The following RCC2 variants were observed in gnomAD, a reference collection of about 807,000 sequenced individuals.
RCC2 encodes protein RCC2.
A neutral mutation model predicts 64.1 loss-of-function variants in RCC2; 19 were observed. The ratio of observed to expected loss-of-function variants is 0.30; its 90% confidence interval spans 0.21 to 0.44. The LOEUF (loss-of-function observed/expected upper bound fraction) is 0.44. Among genes scored for constraint, RCC2 ranks in the 20% least tolerant of loss-of-function variants. RCC2 has a pLI of 1.00. For synonymous variants in RCC2, 325 were observed against 279.6 expected, an observed-to-expected ratio of 1.16 and a Z score of -1.62; for missense variants, 508 against 710.4, an observed-to-expected ratio of 0.72 and a Z score of 3.24.
intron 2 of RCC2, among the ~76,000 whole-genome samples, chr1:17,437,597 G>A (rs938299492): frequency 1.2e-4 from 1 of 8,574 alleles, no homozygotes; most frequent in Non-Finnish European, 2.7e-4. Flanking sequence ...CTGCAGCTTC[G>A]GACCACCGGC....
chr1:17,426,759 CTTTTTTTTTTTTTTTT>C (rs146347066), intron 3 of RCC2, among the ~76,000 whole-genome samples: 7 of 110,002 alleles, frequency 6.4e-5, no homozygotes, highest in Admixed American at 5.0e-4. Flanking sequence ...TCTTACTTTT[CTTTTTTTTTTTTTTTT>C]TTTTTTTTTG....
chr1:17,429,818 C>T (rs910258927), intron 2 of RCC2, among the ~76,000 whole-genome samples: 10 of 152,130 alleles, frequency 6.6e-5, no homozygotes, highest in Non-Finnish European at 1.3e-4. Flanking sequence ...TCCATGAGCC[C>T]GGGAGCCAAT....
chr1:17,425,749 TG>T, intron 3 of RCC2, 65 bp from the exon 4 acceptor site: 1 of 1,517,246 alleles, frequency 6.6e-7, no homozygotes, highest in Non-Finnish European at 9.0e-7. Context: ...AAAATGTCAC[TG>T]GCCACCAAGC....
intron 1 of RCC2, among the ~76,000 whole-genome samples, chr1:17,439,259 T>C (rs1169708062): frequency 4.7e-5 from 7 of 149,326 alleles, no homozygotes; most frequent in Admixed American, 1.3e-4. Context: ...GCCCGGCCGG[T>C]CTCCGATTCG....
intron 7 of RCC2, among the ~76,000 whole-genome samples, chr1:17,417,204 C>T (rs950599611): frequency 9.9e-5 from 15 of 152,196 alleles, no homozygotes; most frequent in Non-Finnish European, 1.9e-4. Context: ...TCCCACACTC[C>T]GAATGACCCA....
chr1:17,439,458 T>G (rs2075782759), intron 1 of RCC2, 87 bp downstream of exon 1: 1 of 149,450 alleles, frequency 6.7e-6, no homozygotes, highest in South Asian at 2.1e-4. Context: ...CCAGGTTTTT[T>G]TTTAACCTTT....
Position 17,425,679 on chromosome 1 carries a change from A to G in RCC2, c.385T>C (p.Tyr129His), listed in dbSNP as rs751141523. 3 of 1,609,712 alleles carry G rather than the reference A, an allele frequency of 1.9e-6. No individual in the cohort carries two copies. The highest frequency in any genetic ancestry group is 3.3e-5 in the Admixed American group (2 of 59,870). Residue 129 changes from tyrosine to histidine, a missense_variant, in exon 4 of 13, where the codon TAC becomes CAC. This residue lies in a region of RCC2 where 132 missense variants were observed against 207.3 expected (regional missense o/e 0.64). Coordinates refer to ENST00000375436, the MANE Select transcript of RCC2 (RefSeq NM_018715.4). ...CACAAATTCTGACCGAGATTGCGGT[A>G]AGCAGCTGCAGAGAGAATGAGAATG... Reference protein sequence around the residue: ...RKEVPKQQAAYRNLGQNLWGP... With the variant: ...RKEVPKQQAAHRNLGQNLWGP...
In RCC2 at chr1:17,413,590, C is replaced by T; in HGVS notation, c.1154G>A (p.Gly385Glu). Residue 385 changes from glycine (G) to glutamate (E), a missense_variant, in exon 9 of 13, where the codon GGG becomes GAG. Around this residue, in one of 4 missense-constraint regions of RCC2, gnomAD observed 179 missense variants for 322.0 expected, o/e 0.56. Transcript: ENST00000375436. Reference sequence around the variant, plus strand: ...GTAACCAGCATAGATCTGGGAAGCCCCACGCCCAGGGAAGTCAAACAGCTT... The same window carrying T: ...GTAACCAGCATAGATCTGGGAAGCCTCACGCCCAGGGAAGTCAAACAGCTT... ...LVKLFDFPGR[G>E]ASQIYAGYTC... is the part of the protein sequence containing the mutation. The T allele has an allele frequency of 6.2e-7, 1 of 1,614,040 alleles. No individual in the cohort carries two copies. Among genetic ancestry groups the T allele is most frequent in the Non-Finnish European group, 8.5e-7 (1 of 1,179,952 alleles).
At chr1:17,419,348 G>A (rs1264766324) in intron 7 of RCC2, among the ~76,000 whole-genome samples, 1 of 152,310 alleles carries the variant, frequency 6.6e-6, no homozygotes, top group East Asian at 1.9e-4. Context: ...GACAGAGGGA[G>A]ACTCCGTCTT....
In RCC2 at chr1:17,431,359, A is replaced by AATATAT. The variant is rs71014951; in HGVS notation, c.286-2166_286-2161dup. On this transcript the variant is annotated intron_variant, in intron 2 of 12. Coordinates refer to ENST00000375436, the MANE Select transcript of RCC2 (RefSeq NM_018715.4). ...AAAAAAAAAAAAAAAAAAAAAAAAA[A>AATATAT]ATATATATATATATATATATATGTG... is the stretch of plus-strand genomic sequence containing the variant. Among the ~76,000 whole-genome samples the AATATAT allele has an allele frequency of 2.7e-3, 120 of 44,904 alleles. 4 individuals are homozygous for AATATAT. The highest frequency in any genetic ancestry group is 5.8e-3 in the African/African-American group (55 of 9,420). 29.5% of individuals were successfully genotyped at this position (44,904 alleles called of 152,430 possible).
chr1:17,438,485 G>C lies in RCC2; in HGVS notation c.30C>G (p.Ala10=). ...CGTTGCCCGAGCTCGGCTCCTCCCA[G>C]GCCGCCGCCGCCGCCTTCTTCCTGG... is the stretch of plus-strand genomic sequence containing the variant. MPRKKAAAA[A]WEEPSSGNGT... is the part of the protein sequence containing the mutation. The change falls in exon 2 of 13, where the codon GCC becomes GCG. Residue 10 remains alanine (A), a synonymous_variant. Transcript: ENST00000375436. 7.5e-7 allele frequency: 1 copy of C among 1,341,814 alleles called. No individual in the cohort carries two copies. The highest frequency in any genetic ancestry group is 9.5e-7 in the Non-Finnish European group (1 of 1,049,712). 83.1% of individuals were successfully genotyped at this position (1,341,814 alleles called of 1,614,324 possible).
chr1:17,430,631 CA>C (rs1335720043), intron 2 of RCC2, among the ~76,000 whole-genome samples: 1 of 151,982 alleles, frequency 6.6e-6, no homozygotes, highest in African/African-American at 2.4e-5. Flanking sequence ...ACTAAAAATA[CA>C]AAAAAATTAG....
At chr1:17,429,661 C>T (rs570927265) in intron 2 of RCC2, among the ~76,000 whole-genome samples, 6 of 152,144 alleles carry the variant, frequency 3.9e-5, no homozygotes, top group Non-Finnish European at 7.3e-5. Context: ...CCCACTCTGC[C>T]GAGAGCCTTT....
At chr1:17,415,937 C>T (rs546904850) in intron 8 of RCC2, among the ~76,000 whole-genome samples, 4 of 151,624 alleles carry the variant, frequency 2.6e-5, no homozygotes, top group South Asian at 4.2e-4. Context: ...GGCATGGTGG[C>T]GCATGCCTGT....
Position 17,416,636 on chromosome 1 carries a change from T to A in RCC2, c.870A>T (p.Ser290=). The A allele has an allele frequency of 6.2e-7, 1 of 1,612,724 alleles. No homozygotes were observed. The highest frequency in any genetic ancestry group is 8.5e-7 in the Non-Finnish European group (1 of 1,179,450). ...CPEYGQLGHN[S]DGKFIARAQR... ...GTGCCCGGGCGATGAACTTCCCATC[T>A]GAGTTGTGTCCTGTAGAGACCACAG... The change falls in exon 8 of 13, where the codon TCA becomes TCT. Residue 290 remains serine, a synonymous_variant. Transcript: ENST00000375436.
rs746983006 is a variant in RCC2 at position 17,409,198 on chromosome 1, G to T, written c.1465-4C>A. 8.7e-6 allele frequency: 14 copies of T among 1,602,178 alleles called. No homozygotes were observed. The African/African-American group carries it at 1.6e-4, about 18-fold the overall frequency. ...AGTGTGAGTAGCCCATGGCGACCTG[G>T]GGGGACAAATCAGCGTTGGGTGTGC... is the stretch of plus-strand genomic sequence containing the variant. On this transcript the variant is annotated splice_polypyrimidine_tract_variant and splice_region_variant and intron_variant, in intron 12 of 12. Coordinates refer to ENST00000375436, the MANE Select transcript of RCC2 (RefSeq NM_018715.4).
intron 2 of RCC2, among the ~76,000 whole-genome samples, chr1:17,437,233 C>G (rs1284253847): frequency 6.6e-6 from 1 of 152,174 alleles, no homozygotes; most frequent in Non-Finnish European, 1.5e-5. Context: ...CCTTAAACAC[C>G]CTTAGGAGAT....
At chr1:17,420,153 T>A (rs1268896702) in intron 7 of RCC2, among the ~76,000 whole-genome samples, 2 of 152,060 alleles carry the variant, frequency 1.3e-5, no homozygotes, top group Non-Finnish European at 2.9e-5. Flanking sequence ...ATGGAGACCA[T>A]CAGGTCGGAA....
chr1:17,437,773 GCCGGCCGCCCCCTCCCCGCGGCGC>G (rs1409820825), intron 2 of RCC2, among the ~76,000 whole-genome samples: 3 of 21,382 alleles, frequency 1.4e-4, no homozygotes, highest in Non-Finnish European at 3.2e-4. Context: ...CCCGCAGAGC[GCCGGCCGCCCCCTCCCCGCGGCGC>G]CCGGGCGCAG....
Sources: gnomAD v4.1 joint callset for allele counts (sites outside exome capture counted in the v4.1 genomes callset) on GRCh38, gnomAD v4.1.1 for gene constraint, gnomAD v4.1.1 regional missense constraint, MANE v1.5 for transcripts, NCBI Gene and HGNC (gene_info 2026-07-23, HGNC 2026-07-21) for gene names.